CSMD1: variants seen among roughly 807,000 people sequenced by gnomAD.
The protein encoded by CSMD1 is CUB and sushi domain-containing protein 1.
CSMD1 carries 213 observed loss-of-function variants against 417.5 expected under a neutral mutation model. That is an observed-to-expected ratio of 0.51 (90% confidence interval 0.46 to 0.57). The LOEUF is 0.57. Ranked by LOEUF, CSMD1 falls within the 20% of genes least tolerant of loss-of-function variation. CSMD1 has a pLI of 0.00. For synonymous variants in CSMD1, 2,862 were observed against 1,736.8 expected (o/e 1.65, Z -16.11); for missense variants, 6,923 against 4,529.7 (o/e 1.53, Z -15.17).
At chr8:4,710,002 T>TA (rs1045894076) in intron 1 of CSMD1, among the ~76,000 whole-genome samples, 1 of 152,154 alleles carries the variant, frequency 6.6e-6, no homozygotes, top group African/African-American at 2.4e-5. Context: ...GGTAATTAAA[T>TA]AAAAATATCA....
chr8:3,513,912 G>A (rs895182361), intron 10 of CSMD1, among the ~76,000 whole-genome samples: 1 of 152,150 alleles, frequency 6.6e-6, no homozygotes, highest in Non-Finnish European at 1.5e-5. Context: ...AATAATTCAG[G>A]CCAGAACATA....
intron 2 of CSMD1, among the ~76,000 whole-genome samples, chr8:4,427,044 C>A (rs188587974): frequency 3.3e-5 from 5 of 151,820 alleles, no homozygotes; most frequent in Non-Finnish European, 7.4e-5. Flanking sequence ...CTGGTGTAGA[C>A]GGAACAGCCC....
intron 23 of CSMD1, among the ~76,000 whole-genome samples, chr8:3,315,288 G>A (rs143985545): frequency 1.3e-5 from 2 of 152,050 alleles, no homozygotes; most frequent in African/African-American, 2.4e-5. Context: ...AAGGTAATTG[G>A]TTAAATTTAT....
At chr8:4,402,800 CTTT>C (rs60965667) in intron 3 of CSMD1, among the ~76,000 whole-genome samples, 112 of 89,346 alleles carry the variant, frequency 1.3e-3, no homozygotes, top group African/African-American at 4.0e-3. Flanking sequence ...TCACTTTTTT[CTTT>C]TTTTTTTTTT....
chr8:3,846,767 T>C (rs1803533336), intron 5 of CSMD1, among the ~76,000 whole-genome samples: 1 of 152,056 alleles, frequency 6.6e-6, no homozygotes, highest in Non-Finnish European at 1.5e-5. Flanking sequence ...TCTGCCTCTC[T>C]GGTTCTAGCG....
At chr8:4,888,500 T>TG (rs1349790285) in intron 1 of CSMD1, among the ~76,000 whole-genome samples, 1 of 151,364 alleles carries the variant, frequency 6.6e-6, no homozygotes, top group Non-Finnish European at 1.5e-5. Flanking sequence ...GATAGACTGA[T>TG]AGATGAGAGA....
intron 44 of CSMD1, among the ~76,000 whole-genome samples, chr8:3,108,199 T>C (rs192913529): frequency 6.6e-6 from 1 of 152,300 alleles, no homozygotes; most frequent in Non-Finnish European, 1.5e-5. Flanking sequence ...AAGCGATTGA[T>C]TGACAGATGT....
intron 26 of CSMD1, among the ~76,000 whole-genome samples, chr8:3,250,638 T>A (rs1486771445): frequency 2.0e-5 from 3 of 152,232 alleles, no homozygotes; most frequent in Non-Finnish European, 4.4e-5. Flanking sequence ...CGCCACACTG[T>A]CTTCCACAAT....
At chr8:4,138,962 C>T (rs1046060349) in intron 3 of CSMD1, among the ~76,000 whole-genome samples, 12 of 152,290 alleles carry the variant, frequency 7.9e-5, no homozygotes, top group Middle Eastern at 6.8e-3. Context: ...GTCGAACACT[C>T]GCCATGCATC....
rs552421832 is a variant in CSMD1 at position 4,310,397 on chromosome 8, C to G, written c.415+109556G>C. The stretch of plus-strand genomic sequence containing the variant: ...GTGTTTCTCACAGCCTACATGATGC[C>G]CAGTCATTTAAACATTTTGGTATTC... On this transcript the variant is annotated intron_variant, in intron 3 of 69. Transcript: ENST00000635120. 2.2e-4 allele frequency among the ~76,000 whole-genome samples: 33 copies of G among 152,156 alleles called. 1 individual carries two copies. The South Asian group carries it at 6.0e-3, about 28-fold the overall frequency.
In CSMD1 at chr8:2,946,806, T is replaced by C. The variant is rs2721287; in HGVS notation, c.10402+2493A>G. Among the ~76,000 whole-genome samples the C allele has an allele frequency of 4.7e-3, 716 of 152,236 alleles. 6 individuals carry two copies. The highest frequency in any genetic ancestry group is 9.1e-3 in the South Asian group (44 of 4,818). ...ACAACTGTTTGATGAACTACCAGAGTGTTTTCCAGAGCAGCTGCATCATTT... is the reference window on the plus strand; with the variant it reads ...ACAACTGTTTGATGAACTACCAGAGCGTTTTCCAGAGCAGCTGCATCATTT... On this transcript the variant is annotated intron_variant, in intron 68 of 69. Coordinates refer to ENST00000635120, the MANE Select transcript of CSMD1 (RefSeq NM_033225.6).
intron 1 of CSMD1, among the ~76,000 whole-genome samples, chr8:4,884,281 T>C (rs1490001810): frequency 2.0e-5 from 3 of 152,034 alleles, no homozygotes; most frequent in Non-Finnish European, 4.4e-5. Context: ...ACAAGTATCT[T>C]ACCAGATAGA....
chr8:4,163,254 G>T (rs1448441849), intron 3 of CSMD1, among the ~76,000 whole-genome samples: 1 of 152,122 alleles, frequency 6.6e-6, no homozygotes, highest in East Asian at 1.9e-4. Context: ...ATAACAAGGA[G>T]TGTGCTTCCT....
At chr8:3,472,332 G>A (rs997898972) in intron 11 of CSMD1, among the ~76,000 whole-genome samples, 27 of 152,182 alleles carry the variant, frequency 1.8e-4, no homozygotes, top group Admixed American at 1.7e-3. Context: ...TATTGTAAGT[G>A]TGTACTTTCT....
intron 5 of CSMD1, among the ~76,000 whole-genome samples, chr8:3,988,656 T>C (rs1814514450): frequency 6.6e-6 from 1 of 152,230 alleles, no homozygotes; most frequent in African/African-American, 2.4e-5. Context: ...CGGTCAAAAT[T>C]CCACTGTTAT....
At chr8:3,236,625 C>T (rs1057067363) in intron 26 of CSMD1, among the ~76,000 whole-genome samples, 1 of 152,200 alleles carries the variant, frequency 6.6e-6, no homozygotes, top group Non-Finnish European at 1.5e-5. Flanking sequence ...GCAGAAACTG[C>T]TTTTCCACTT....
chr8:3,935,464 G>A (rs982296471), intron 5 of CSMD1, among the ~76,000 whole-genome samples: 2 of 152,108 alleles, frequency 1.3e-5, no homozygotes, highest in Admixed American at 6.6e-5. Context: ...CATTAAACAG[G>A]TCTATTGGTG....
rs113592940 is a variant in CSMD1, at chr8:3,476,942, G to A, written c.1449-8118C>T. On this transcript the variant is annotated intron_variant, in intron 11 of 69. Coordinates refer to ENST00000635120, the MANE Select transcript of CSMD1 (RefSeq NM_033225.6). ...AAAAAAAAAAAAAAAATGTGAATCAGTAAGTAGTTCAGGGTTTAAGTTGGG... is the reference window on the plus strand; with the variant it reads ...AAAAAAAAAAAAAAAATGTGAATCAATAAGTAGTTCAGGGTTTAAGTTGGG... 1.3e-3 allele frequency among the ~76,000 whole-genome samples: 193 copies of A among 148,066 alleles called. 2 individuals are homozygous for A. Among genetic ancestry groups the A allele is most frequent in the African/African-American group, 4.6e-3 (184 of 40,126 alleles).
intron 26 of CSMD1, among the ~76,000 whole-genome samples, chr8:3,233,415 G>C (rs1798964003): frequency 6.6e-6 from 1 of 152,088 alleles, no homozygotes; most frequent in Non-Finnish European, 1.5e-5. Context: ...CCTCGACCTT[G>C]GACTTCTCAG....
Sources: gnomAD v4.1 joint callset for allele counts (sites outside exome capture counted in the v4.1 genomes callset) on GRCh38, gnomAD v4.1.1 for gene constraint, MANE v1.5 for transcripts, NCBI Gene and HGNC (gene_info 2026-07-23, HGNC 2026-07-21) for gene names.